CFAP97: variants seen among roughly 807,000 people sequenced by gnomAD.
CFAP97 encodes cilia- and flagella-associated protein 97.
In CFAP97, 36 loss-of-function variants were observed where a neutral mutation model predicts 43.1. The observed-to-expected ratio is 0.84, with a 90% CI of 0.64 to 1.10. The LOEUF is 1.10. Among genes scored for constraint, CFAP97 ranks in the 50% least tolerant of loss-of-function variants. The pLI is 0.00. For synonymous variants in CFAP97, 228 were observed against 225.7 expected, an observed-to-expected ratio of 1.01 and a Z score of -0.09; for missense variants, 657 against 620.3, an observed-to-expected ratio of 1.06 and a Z score of -0.63.
In CFAP97 at chr4:185,162,687, C is replaced by T. The variant is rs1356182027; in HGVS notation, c.*111G>A. Reference sequence around the variant, plus strand: ...CAATACATTACAACTCACTGTTGTACACCTTCAATTGCTAAAACGGTATTC... The same window carrying T: ...CAATACATTACAACTCACTGTTGTATACCTTCAATTGCTAAAACGGTATTC... On this transcript the variant is annotated 3_prime_UTR_variant, in exon 5 of 5. Coordinates refer to ENST00000458385, the MANE Select transcript of CFAP97 (RefSeq NM_020827.3). The T allele has an allele frequency of 2.6e-6, 3 of 1,159,580 alleles. No individual in the cohort carries two copies. Among genetic ancestry groups the T allele is most frequent in the Non-Finnish European group, 3.7e-6 (3 of 807,830 alleles). The allele number at this position is 1,159,580 out of a possible 1,614,324, so 71.8% of individuals were successfully genotyped here. A position where few individuals can be genotyped will look rare whatever the true frequency, so the allele number is the denominator to read the frequency against.
chr4:185,195,656 G>A (rs1444867022), intron 1 of CFAP97, among the ~76,000 whole-genome samples: 1 of 152,210 alleles, frequency 6.6e-6, no homozygotes, highest in Admixed American at 6.5e-5. Context: ...GAGAGGAGTA[G>A]TGTGCTCAGG....
At chr4:185,206,952 C>T (rs1167079181), upstream of CFAP97, among the ~76,000 whole-genome samples, 3 of 152,096 alleles carry the variant, frequency 2.0e-5, no homozygotes, top group Non-Finnish European at 4.4e-5. Context: ...CCTGGAGTCT[C>T]AACGCCAGAG....
At chr4:185,167,832 T>A (rs1735127661) in intron 3 of CFAP97, among the ~76,000 whole-genome samples, 2 of 120,780 alleles carry the variant, frequency 1.7e-5, no homozygotes, top group South Asian at 2.7e-4. Context: ...CCATCTCTAC[T>A]AAAAATACAA....
At chr4:185,204,223 T>A (rs1737082812), upstream of CFAP97, 1 of 152,162 alleles carries the variant, frequency 6.6e-6, no homozygotes, top group African/African-American at 2.4e-5. Flanking sequence ...CATGGCGCCC[T>A]AGAGGCGTTA....
chr4:185,169,574 C>A, intron 3 of CFAP97: 1 of 974,018 alleles, frequency 1.0e-6, no homozygotes, highest in South Asian at 4.8e-5. Flanking sequence ...ATACACTTGT[C>A]CAAACATTTA....
At chr4:185,195,409 G>A (rs3108246) in intron 1 of CFAP97, among the ~76,000 whole-genome samples, 68,982 of 152,024 alleles carry the variant, frequency 0.45, 16,295 homozygotes, top group East Asian at 0.57. Flanking sequence ...CCTGTGCACA[G>A]GAGGTTGATA....
intron 1 of CFAP97, among the ~76,000 whole-genome samples, chr4:185,200,994 G>A (rs889396079): frequency 6.6e-6 from 1 of 152,090 alleles, no homozygotes; most frequent in Non-Finnish European, 1.5e-5. Flanking sequence ...ATAAAGCAGC[G>A]GCAGGGTTTG....
chr4:185,174,179 G>T (rs1246848098), intron 3 of CFAP97, among the ~76,000 whole-genome samples: 1 of 152,144 alleles, frequency 6.6e-6, no homozygotes, highest in East Asian at 1.9e-4. Context: ...TATGCACAAT[G>T]TAATTTCTTA....
chr4:185,177,663 C>T (rs551999486), intron 2 of CFAP97, among the ~76,000 whole-genome samples: 67 of 151,936 alleles, frequency 4.4e-4, no homozygotes, highest in African/African-American at 1.3e-3. Context: ...GGCAAAACCC[C>T]GTCTCTACTA....
chr4:185,188,563 C>T (rs1274431249), intron 2 of CFAP97, among the ~76,000 whole-genome samples: 2 of 152,128 alleles, frequency 1.3e-5, no homozygotes, highest in Non-Finnish European at 2.9e-5. Context: ...AGGCTGCTCT[C>T]AAACTCCTGA....
upstream of CFAP97, among the ~76,000 whole-genome samples, chr4:185,206,582 CG>C (rs1196450667): frequency 7.1e-6 from 1 of 140,478 alleles, no homozygotes; most frequent in African/African-American, 2.6e-5. Context: ...TCTCTTGAAC[CG>C]GGGAGGCGGA....
At chr4:185,207,500 G>A (rs1008011848), upstream of CFAP97, among the ~76,000 whole-genome samples, 4 of 152,070 alleles carry the variant, frequency 2.6e-5, no homozygotes, top group African/African-American at 7.2e-5. Flanking sequence ...TTACAAGCTT[G>A]AGCCACCACG....
At chr4:185,177,192 T>C (rs1418600710) in intron 2 of CFAP97, among the ~76,000 whole-genome samples, 1 of 151,832 alleles carries the variant, frequency 6.6e-6, no homozygotes, top group Non-Finnish European at 1.5e-5. Context: ...GCAGGTGGAT[T>C]GCCTGAGGTC....
At chr4:185,164,212 G>T in intron 3 of CFAP97, 33 bp from the exon 4 acceptor site, 1 of 1,601,200 alleles carries the variant, frequency 6.2e-7, no homozygotes, top group South Asian at 1.1e-5. Flanking sequence ...GAAAGGCAAG[G>T]TTAAACAGCA....
At chr4:185,184,335 AG>A (rs1346066834) in intron 2 of CFAP97, among the ~76,000 whole-genome samples, 1 of 152,194 alleles carries the variant, frequency 6.6e-6, no homozygotes, top group Admixed American at 6.5e-5. Flanking sequence ...CCTGACTTCC[AG>A]GGTGAGCCTG....
At chr4:185,184,697 T>C (rs1023616343) in intron 2 of CFAP97, among the ~76,000 whole-genome samples, 27 of 152,204 alleles carry the variant, frequency 1.8e-4, no homozygotes, top group African/African-American at 5.8e-4. Flanking sequence ...ATGAGAAATA[T>C]TGTTTCATTC....
intron 3 of CFAP97, among the ~76,000 whole-genome samples, chr4:185,171,600 G>A (rs1350670392): frequency 3.3e-5 from 5 of 152,150 alleles, no homozygotes; most frequent in Non-Finnish European, 4.4e-5. Context: ...TTCTTAGAGG[G>A]TAAAGTGAAA....
intron 3 of CFAP97, chr4:185,169,790 AGAC>A: frequency 1.0e-6 from 1 of 985,504 alleles, no homozygotes; most frequent in Non-Finnish European, 1.2e-6. Flanking sequence ...GGCAGAATCA[AGAC>A]GACTGCTCTC....
intron 3 of CFAP97, among the ~76,000 whole-genome samples, chr4:185,166,507 A>G (rs1735078707): frequency 6.6e-6 from 1 of 152,190 alleles, no homozygotes; most frequent in African/African-American, 2.4e-5. Context: ...TTAAACTCCT[A>G]GTGTCCTAAG....
Sources: gnomAD v4.1 joint callset for allele counts (sites outside exome capture counted in the v4.1 genomes callset) on GRCh38, gnomAD v4.1.1 for gene constraint, MANE v1.5 for transcripts, NCBI Gene and HGNC (gene_info 2026-07-23, HGNC 2026-07-21) for gene names.